Variants in PBX3 observed in about 807,000 individuals in gnomAD.
The protein encoded by PBX3 is PBX homeobox 3, also known as pre-B-cell leukemia transcription factor 3.
Under a neutral mutation model 48.5 loss-of-function variants are expected in PBX3, and 14 were observed. The ratio of observed to expected loss-of-function variants is 0.29; its 90% CI spans 0.19 to 0.45. The LOEUF (loss-of-function observed/expected upper bound fraction) is 0.45. Among genes scored for constraint, PBX3 ranks in the 20% least tolerant of loss-of-function variants. PBX3 has a pLI of 1.00. For synonymous variants in PBX3, 210 were observed against 200.3 expected, an observed-to-expected ratio of 1.05 and a Z score of -0.41; for missense variants, 386 against 546.7, an observed-to-expected ratio of 0.71 and a Z score of 2.93.
At chr9:125,831,260 T>G (rs1297765007) in intron 2 of PBX3, among the ~76,000 whole-genome samples, 2 of 152,194 alleles carry the variant, frequency 1.3e-5, no homozygotes, top group Non-Finnish European at 1.5e-5. Flanking sequence ...CTAAGACTGA[T>G]TGATCAGTGG....
At chr9:125,837,247 G>C (rs1839163791) in intron 2 of PBX3, among the ~76,000 whole-genome samples, 1 of 151,910 alleles carries the variant, frequency 6.6e-6, no homozygotes, top group African/African-American at 2.4e-5. Context: ...TACAAGCTAT[G>C]TTGTTAAGTC....
intron 2 of PBX3, among the ~76,000 whole-genome samples, chr9:125,913,257 A>C (rs781506045): frequency 6.6e-6 from 1 of 152,140 alleles, no homozygotes; most frequent in Non-Finnish European, 1.5e-5. Context: ...TAATTTATAA[A>C]GTAAATACAA....
intron 2 of PBX3, among the ~76,000 whole-genome samples, chr9:125,801,016 G>A (rs1342594539): frequency 6.6e-6 from 1 of 152,122 alleles, no homozygotes; most frequent in East Asian, 1.9e-4. Context: ...GCCCCCCAGT[G>A]TTGGGATTAC....
intron 2 of PBX3, among the ~76,000 whole-genome samples, chr9:125,851,798 G>A (rs1292409585): frequency 1.3e-5 from 2 of 151,578 alleles, no homozygotes; most frequent in South Asian, 2.1e-4. Context: ...ATTAGTCATT[G>A]GGGTGCTGAT....
At chr9:125,922,515 A>T (rs908118152) in intron 3 of PBX3, among the ~76,000 whole-genome samples, 5 of 152,222 alleles carry the variant, frequency 3.3e-5, no homozygotes, top group Non-Finnish European at 4.4e-5. Flanking sequence ...ATGGACATTA[A>T]CCAGAAAGCT....
At chr9:125,939,701 A>C (rs550171618) in intron 5 of PBX3, among the ~76,000 whole-genome samples, 1 of 152,238 alleles carries the variant, frequency 6.6e-6, no homozygotes, top group Non-Finnish European at 1.5e-5. Flanking sequence ...AAATGGATAA[A>C]TATGCTGTGT....
At chr9:125,958,084 T>C (rs1466040325) in intron 5 of PBX3, among the ~76,000 whole-genome samples, 1 of 152,170 alleles carries the variant, frequency 6.6e-6, no homozygotes, top group African/African-American at 2.4e-5. Flanking sequence ...AATCACATAA[T>C]TCTGGTATGG....
intron 5 of PBX3, among the ~76,000 whole-genome samples, chr9:125,947,775 CAT>C (rs2118743322): frequency 6.6e-6 from 1 of 151,850 alleles, no homozygotes; most frequent in East Asian, 1.9e-4. Flanking sequence ...CTCTAAGAGA[CAT>C]ATGTAAAATA....
intron 2 of PBX3, among the ~76,000 whole-genome samples, chr9:125,855,402 ATACAG>A (rs1347059775): frequency 1.3e-5 from 2 of 152,144 alleles, no homozygotes; most frequent in Non-Finnish European, 2.9e-5. Context: ...TACAGAATTT[ATACAG>A]TACTTTAATA....
At chr9:125,778,265 T>C (rs564126274) in intron 2 of PBX3, among the ~76,000 whole-genome samples, 5,524 of 144,476 alleles carry the variant, frequency 0.038, 353 homozygotes, top group African/African-American at 0.13. Flanking sequence ...CCTGGCCCTC[T>C]TTTTTTTTTT....
intron 2 of PBX3, among the ~76,000 whole-genome samples, chr9:125,823,377 A>T (rs947063805): frequency 7.2e-5 from 11 of 152,202 alleles, no homozygotes; most frequent in African/African-American, 1.2e-4. Flanking sequence ...TTTATGTACC[A>T]GTGTGTGTTA....
chr9:125,837,757 A>AT (rs1839179489), intron 2 of PBX3, among the ~76,000 whole-genome samples: 1 of 151,994 alleles, frequency 6.6e-6, no homozygotes, highest in African/African-American at 2.4e-5. Context: ...TGCCCGGCTA[A>AT]TTTTTTGTAT....
Position 125,780,416 on chromosome 9 carries a change from A to AC in PBX3, c.274+31803dup, listed in dbSNP as rs367962542. On this transcript the variant is annotated intron_variant, in intron 2 of 8. Transcript: ENST00000373489. Reference sequence around the variant, plus strand: ...GGGCGGCTGGCCGGGCGGGGGGCTGACCCCCCCCCCACCTCCCTCCCAGAC... The same window carrying AC: ...GGGCGGCTGGCCGGGCGGGGGGCTGACCCCCCCCCCCACCTCCCTCCCAGAC... Among the ~76,000 whole-genome samples, 125 of 57,210 alleles carry AC rather than the reference A, an allele frequency of 2.2e-3. 6 individuals carry two copies. The highest frequency in any genetic ancestry group is 6.9e-3 in the African/African-American group (89 of 12,942). 37.5% of individuals were successfully genotyped at this position (57,210 alleles called of 152,430 possible).
intron 2 of PBX3, among the ~76,000 whole-genome samples, chr9:125,855,306 T>G (rs1839691896): frequency 6.6e-6 from 1 of 152,148 alleles, no homozygotes. Context: ...ATTAACTTTT[T>G]TTTACAGTGA....
intron 2 of PBX3, among the ~76,000 whole-genome samples, chr9:125,772,779 A>T (rs776201602): frequency 6.6e-6 from 1 of 152,246 alleles, no homozygotes; most frequent in Admixed American, 6.5e-5. Context: ...CGAGAAACAT[A>T]CTGGGGCATG....
chr9:125,765,109 T>G (rs1836768814), intron 2 of PBX3, among the ~76,000 whole-genome samples: 1 of 152,100 alleles, frequency 6.6e-6, no homozygotes, highest in Admixed American at 6.5e-5. Context: ...TTCTTGTAAA[T>G]GGCATCGTTT....
At chr9:125,780,509 G>T (rs1430169637) in intron 2 of PBX3, among the ~76,000 whole-genome samples, 3 of 139,668 alleles carry the variant, frequency 2.1e-5, no homozygotes, top group Non-Finnish European at 4.7e-5. Context: ...CTGGCCGGGT[G>T]GGGGGCTAAC....
At chr9:125,793,366 A>AAAAAAAATATATATATATATATAT (rs59271982) in intron 2 of PBX3, among the ~76,000 whole-genome samples, 1 of 101,938 alleles carries the variant, frequency 9.8e-6, no homozygotes, top group African/African-American at 4.2e-5. Context: ...GGAAAAAAAA[A>AAAAAAAATATATATATATATATAT]ATATATATAT....
chr9:125,943,215 G>A (rs1411155096), intron 5 of PBX3, among the ~76,000 whole-genome samples: 3 of 151,680 alleles, frequency 2.0e-5, no homozygotes, highest in Non-Finnish European at 4.4e-5. Flanking sequence ...AATTAGCCGG[G>A]CGTGGTGGCA....
Sources: allele counts gnomAD v4.1 joint callset (sites outside exome capture counted in the v4.1 genomes callset), GRCh38; gene constraint gnomAD v4.1.1; transcripts MANE v1.5; gene names NCBI Gene and HGNC (gene_info 2026-07-23, HGNC 2026-07-21).